Variants in CDH4 observed in about 807,000 individuals in gnomAD.
The protein encoded by CDH4 is cadherin 4.
Under a neutral mutation model 86.0 loss-of-function variants are expected in CDH4, and 33 were observed. The observed-to-expected ratio is 0.38, with a 90% confidence interval of 0.29 to 0.51. CDH4 has a LOEUF of 0.51. Ranked by LOEUF, CDH4 falls within the 20% of genes least tolerant of loss-of-function variation. The pLI, the probability that CDH4 is intolerant of heterozygous loss-of-function variation, is 0.86. For missense variants in CDH4, 1,114 were observed against 1,307.4 expected (o/e 0.85, Z 2.28); for synonymous variants, 555 against 549.4 (o/e 1.01, Z -0.14).
At chr20:61,531,286 A>G (rs1600733615) in intron 2 of CDH4, among the ~76,000 whole-genome samples, 1 of 152,096 alleles carries the variant, frequency 6.6e-6, no homozygotes, top group Non-Finnish European at 1.5e-5. Flanking sequence ...AGCCTGGCCA[A>G]TGTGGTGAAA....
At chr20:61,291,443 T>C (rs907319532) in intron 2 of CDH4, among the ~76,000 whole-genome samples, 2 of 152,182 alleles carry the variant, frequency 1.3e-5, no homozygotes, top group Admixed American at 6.5e-5. Flanking sequence ...ATCTTACAGG[T>C]ACCCGTTAGC....
chr20:61,418,741 G>A (rs988647325), intron 2 of CDH4, among the ~76,000 whole-genome samples: 4 of 152,138 alleles, frequency 2.6e-5, no homozygotes, highest in African/African-American at 4.8e-5. Flanking sequence ...GCCTGAGATG[G>A]AGGTATGGAC....
At chr20:61,460,536 C>T (rs569847611) in intron 2 of CDH4, among the ~76,000 whole-genome samples, 1 of 152,294 alleles carries the variant, frequency 6.6e-6, no homozygotes, top group East Asian at 1.9e-4. Context: ...TTACAAGGGT[C>T]CATGTTTGGG....
rs576765663 is a variant in CDH4 at position 61,654,747 on chromosome 20, T to C, written c.170-88816T>C. Among the ~76,000 whole-genome samples, 32 of 152,392 alleles carry C rather than the reference T, an allele frequency of 2.1e-4. No homozygotes were observed. The South Asian group carries it at 6.0e-3, about 29-fold the overall frequency. ...TCTGTAGGGAGTGTGGTCTCACCAC[T>C]GTCAGCTTTGCCCAGGATGGCCAGC... On this transcript the variant is annotated intron_variant, in intron 2 of 15. Transcript: ENST00000614565.
intron 2 of CDH4, among the ~76,000 whole-genome samples, chr20:61,373,905 A>G (rs2145437244): frequency 6.6e-6 from 1 of 152,094 alleles, no homozygotes; most frequent in Middle Eastern, 3.4e-3. Flanking sequence ...CACATTAAAC[A>G]TATGGATACA....
intron 2 of CDH4, among the ~76,000 whole-genome samples, chr20:61,323,897 G>A (rs2084523180): frequency 6.6e-6 from 1 of 152,212 alleles, no homozygotes; most frequent in South Asian, 2.1e-4. Context: ...AGAGTGGAAG[G>A]ACGGAGATGA....
intron 2 of CDH4, chr20:61,570,455 C>T (rs551024368): frequency 9.1e-6 from 5 of 551,992 alleles, no homozygotes; most frequent in South Asian, 4.5e-5. Context: ...GAGCTTGACC[C>T]GAATTGCTTC....
chr20:61,920,632 ACAG>A (rs2054967454), intron 9 of CDH4, among the ~76,000 whole-genome samples: 1 of 146,112 alleles, frequency 6.8e-6, no homozygotes, highest in African/African-American at 2.6e-5. Flanking sequence ...GTGTGGTGTC[ACAG>A]TGATTGCATG....
intron 2 of CDH4, among the ~76,000 whole-genome samples, chr20:61,309,497 A>G (rs1600854739): frequency 6.6e-6 from 1 of 152,244 alleles, no homozygotes; most frequent in East Asian, 1.9e-4. Context: ...CCTCCTCTAG[A>G]TGTTCATTTG....
intron 2 of CDH4, among the ~76,000 whole-genome samples, chr20:61,725,736 G>C (rs530997258): frequency 5.9e-5 from 9 of 152,022 alleles, no homozygotes; most frequent in African/African-American, 9.7e-5. Context: ...AGAGACACAA[G>C]GGGGGAGGAG....
intron 2 of CDH4, among the ~76,000 whole-genome samples, chr20:61,667,084 G>A (rs73148392): frequency 0.032 from 4,947 of 152,342 alleles, 72 homozygotes; most frequent in East Asian, 0.056. Context: ...CTGCACCCAG[G>A]GTCCCTGTGG....
intron 7 of CDH4, among the ~76,000 whole-genome samples, chr20:61,880,423 C>T (rs1333209171): frequency 2.6e-5 from 4 of 152,184 alleles, no homozygotes; most frequent in Admixed American, 2.6e-4. Context: ...CTGCTGCTGA[C>T]CCACCTCGGG....
At chr20:61,855,048 T>C (rs1208868099) in intron 6 of CDH4, among the ~76,000 whole-genome samples, 12 of 84,542 alleles carry the variant, frequency 1.4e-4, no homozygotes, top group African/African-American at 3.5e-4. Context: ...GGGTGAATTG[T>C]GCCCTTGGCC....
intron 11 of CDH4, among the ~76,000 whole-genome samples, chr20:61,926,301 G>A (rs551202777): frequency 1.3e-5 from 2 of 152,374 alleles, no homozygotes; most frequent in East Asian, 1.9e-4. Context: ...GCGGGGCTGT[G>A]TCTGGTCCGC....
At chr20:61,374,043 C>T (rs1057137639) in intron 2 of CDH4, among the ~76,000 whole-genome samples, 11 of 152,052 alleles carry the variant, frequency 7.2e-5, no homozygotes, top group Non-Finnish European at 1.2e-4. Context: ...ATACAGAGCC[C>T]GCGGGGCTCC....
rs1206376277 is a variant in CDH4, at chr20:61,438,929, A to G, written c.169+183992A>G. On this transcript the variant is annotated intron_variant, in intron 2 of 15. Transcript: ENST00000614565. ...AAAAATTAGCTAAAAAAAAAAAACC[A>G]AAAACCTTAACTTACCTAAAAACAT... 4.6e-5 allele frequency among the ~76,000 whole-genome samples: 7 copies of G among 151,520 alleles called. No homozygotes were observed. In the South Asian group the frequency reaches 1.0e-3, roughly 23 times the overall value.
intron 2 of CDH4, among the ~76,000 whole-genome samples, chr20:61,648,625 A>G (rs1000826791): frequency 1.3e-5 from 2 of 152,120 alleles, no homozygotes; most frequent in Admixed American, 1.3e-4. Flanking sequence ...TTCCTTTACC[A>G]TCAGAACCAC....
At chr20:61,597,629 G>A (rs962680353) in intron 2 of CDH4, among the ~76,000 whole-genome samples, 1 of 152,210 alleles carries the variant, frequency 6.6e-6, no homozygotes, top group Non-Finnish European at 1.5e-5. Flanking sequence ...AGAGGGAGGG[G>A]CAGAGAGGCA....
At chr20:61,602,315 G>C (rs2086607917) in intron 2 of CDH4, among the ~76,000 whole-genome samples, 1 of 152,146 alleles carries the variant, frequency 6.6e-6, no homozygotes, top group South Asian at 2.1e-4. Context: ...CCAGTAGGGT[G>C]GAAAATGAGA....
Sources: gnomAD v4.1 joint callset for allele counts (sites outside exome capture counted in the v4.1 genomes callset) on GRCh38, gnomAD v4.1.1 for gene constraint, MANE v1.5 for transcripts, NCBI Gene and HGNC (gene_info 2026-07-23, HGNC 2026-07-21) for gene names.